Variants in CADPS2 observed in about 807,000 individuals in gnomAD.
CADPS2 encodes the protein calcium dependent secretion activator 2, also known as calcium-dependent secretion activator 2.
CADPS2 carries 93 observed loss-of-function variants against 172.5 expected under a neutral mutation model. The observed-to-expected ratio is 0.54, with a 90% CI of 0.46 to 0.64. The LOEUF is 0.64. Ranked by LOEUF, CADPS2 falls within the 30% of genes least tolerant of loss-of-function variation. The pLI, the probability that CADPS2 is intolerant of heterozygous loss-of-function variation, is 0.00. For synonymous variants in CADPS2, 546 were observed against 555.2 expected (o/e 0.98, Z 0.23); for missense variants, 1,420 against 1,565.9 (o/e 0.91, Z 1.57).
chr7:122,726,784 A>AAC (rs1199789351), intron 2 of CADPS2, among the ~76,000 whole-genome samples: 1 of 151,448 alleles, frequency 6.6e-6, no homozygotes, highest in Admixed American at 6.6e-5. Flanking sequence ...AAAAAAAAAA[A>AAC]AAAAACTATC....
intron 5 of CADPS2, among the ~76,000 whole-genome samples, chr7:122,618,062 C>T (rs1363972670): frequency 1.3e-5 from 2 of 150,298 alleles, no homozygotes; most frequent in African/African-American, 4.9e-5. Flanking sequence ...AAAAAATCAA[C>T]TATATTCATG....
chr7:122,673,473 G>C (rs1362568502), intron 2 of CADPS2, among the ~76,000 whole-genome samples: 1 of 152,116 alleles, frequency 6.6e-6, no homozygotes, highest in Non-Finnish European at 1.5e-5. Flanking sequence ...GCTAGATACA[G>C]AGTGCTGAAT....
At chr7:122,451,511 T>C (rs771737811) in intron 14 of CADPS2, 36 bp from the exon 15 acceptor site, 93 of 1,248,534 alleles carry the variant, frequency 7.4e-5, no homozygotes, top group Non-Finnish European at 4.5e-6. Context: ...TTCATATTGA[T>C]CGAACATTTA....
chr7:122,440,015 G>A (rs1262299437), intron 16 of CADPS2: 1 of 152,098 alleles, frequency 6.6e-6, no homozygotes, highest in African/African-American at 2.4e-5. Context: ...TGCCAACCTC[G>A]ATTTCCTGCT....
At chr7:122,673,873 T>C (rs62482258) in intron 2 of CADPS2, among the ~76,000 whole-genome samples, 2,932 of 132,178 alleles carry the variant, frequency 0.022, 53 homozygotes, top group Admixed American at 0.034. Context: ...AGGTGGTGCC[T>C]GTTGGGGAGG....
rs115627929 is a variant in CADPS2, at chr7:122,728,162, T to G, written c.453+8793A>C. On this transcript the variant is annotated intron_variant, in intron 2 of 29. Transcript: ENST00000449022. ...TATTCCAAAGTAAAATGACAAAAAT[T>G]TTTCATCAAAATATTTAAATGCCAA... Among the ~76,000 whole-genome samples the G allele has an allele frequency of 9.8e-3, 1,482 of 151,918 alleles. 22 individuals are homozygous for G. The highest frequency in any genetic ancestry group is 0.034 in the African/African-American group (1,406 of 41,490).
chr7:122,468,104 AG>A (rs1310128550), intron 14 of CADPS2, among the ~76,000 whole-genome samples: 1 of 152,208 alleles, frequency 6.6e-6, no homozygotes, highest in Non-Finnish European at 1.5e-5. Flanking sequence ...ACTGTGCAAT[AG>A]GATGTGCTCC....
intron 1 of CADPS2, among the ~76,000 whole-genome samples, chr7:122,776,516 T>C (rs1287323834): frequency 6.6e-6 from 1 of 151,880 alleles, no homozygotes; most frequent in African/African-American, 2.4e-5. Context: ...GGAAGTGACT[T>C]TGAAACTGAG....
intron 1 of CADPS2, among the ~76,000 whole-genome samples, chr7:122,747,775 T>G (rs772572256): frequency 2.6e-5 from 4 of 152,094 alleles, no homozygotes; most frequent in African/African-American, 4.8e-5. Context: ...AGGTAAAAGC[T>G]CCTCTCCTCC....
chr7:122,441,071 T>TGA (rs371639699), intron 16 of CADPS2, among the ~76,000 whole-genome samples: 3 of 152,128 alleles, frequency 2.0e-5, no homozygotes, highest in African/African-American at 7.2e-5. Context: ...AATTCTGAGA[T>TGA]GAATATTGAA....
chr7:122,557,860 T>C (rs1334085725), intron 7 of CADPS2, among the ~76,000 whole-genome samples: 1 of 152,172 alleles, frequency 6.6e-6, no homozygotes, highest in Non-Finnish European at 1.5e-5. Context: ...TGCTTCTAAG[T>C]AGGGACATAT....
intron 8 of CADPS2, among the ~76,000 whole-genome samples, chr7:122,516,966 GAC>G (rs1029464742): frequency 5.3e-4 from 80 of 151,920 alleles, no homozygotes; most frequent in African/African-American, 1.9e-3. Context: ...GATAAGTATT[GAC>G]ACAGTCATGT....
intron 2 of CADPS2, among the ~76,000 whole-genome samples, chr7:122,730,376 A>G (rs927782270): frequency 2.0e-5 from 3 of 151,746 alleles, no homozygotes; most frequent in East Asian, 3.9e-4. Context: ...AGGGCAATTT[A>G]ATAATCTGTA....
chr7:122,614,197 G>A (rs1358162605), intron 6 of CADPS2, among the ~76,000 whole-genome samples: 3 of 151,984 alleles, frequency 2.0e-5, no homozygotes, highest in Non-Finnish European at 2.9e-5. Context: ...AGATCCCAGA[G>A]GTCATGAGAG....
chr7:122,629,174 A>G, intron 4 of CADPS2, 74 bp downstream of exon 4: 1 of 1,228,092 alleles, frequency 8.1e-7, no homozygotes, highest in Non-Finnish European at 1.1e-6. Flanking sequence ...AACCTATACA[A>G]AACACTTTTT....
chr7:122,662,470 G>A (rs377454655), intron 3 of CADPS2, among the ~76,000 whole-genome samples: 1 of 150,716 alleles, frequency 6.6e-6, no homozygotes, highest in Non-Finnish European at 1.5e-5. Flanking sequence ...CCGCCTCCCA[G>A]GTTCAAGCAA....
At chr7:122,363,996 C>A (rs1043533166) in intron 25 of CADPS2, among the ~76,000 whole-genome samples, 7 of 152,166 alleles carry the variant, frequency 4.6e-5, no homozygotes, top group African/African-American at 1.4e-4. Flanking sequence ...ATTTGGCAGA[C>A]GGCAGAAGGA....
chr7:122,781,732 T>A (rs944494199), intron 1 of CADPS2, among the ~76,000 whole-genome samples: 4 of 152,174 alleles, frequency 2.6e-5, no homozygotes, highest in African/African-American at 9.6e-5. Flanking sequence ...TAATACTATA[T>A]TGATTGTAAT....
intron 27 of CADPS2, among the ~76,000 whole-genome samples, chr7:122,351,168 C>T (rs1272091884): frequency 2.0e-5 from 3 of 151,008 alleles, no homozygotes; most frequent in African/African-American, 7.3e-5. Context: ...GATAAGAGAC[C>T]ATCCTGGCTA....
Sources: gnomAD v4.1 joint callset for allele counts (sites outside exome capture counted in the v4.1 genomes callset) on GRCh38, gnomAD v4.1.1 for gene constraint, MANE v1.5 for transcripts, NCBI Gene and HGNC (gene_info 2026-07-23, HGNC 2026-07-21) for gene names.